The following VPS35 variants were observed in gnomAD, a reference collection of about 807,000 sequenced individuals.
The protein encoded by VPS35 is VPS35 retromer complex component, also known as vacuolar protein sorting-associated protein 35.
VPS35 carries 21 observed loss-of-function variants against 98.1 expected under a neutral mutation model. That is an observed-to-expected ratio of 0.21 (90% confidence interval 0.15 to 0.31). The LOEUF (loss-of-function observed/expected upper bound fraction) is 0.31, where lower values mean the gene tolerates loss of function less well. Ranked by LOEUF, VPS35 falls within the 10% of genes least tolerant of loss-of-function variation. The probability of loss-of-function intolerance (pLI) is 1.00; values close to 1 mark genes in which losing one functional copy is unlikely to be tolerated. For synonymous variants in VPS35, 268 were observed against 318.2 expected (o/e 0.84, Z 1.68); for missense variants, 554 against 950.8 (o/e 0.58, Z 5.49).
chr16:46,676,404 A>G (rs1966153259), intron 8 of VPS35, 179 bp downstream of exon 8: 3 of 588,760 alleles, frequency 5.1e-6, no homozygotes, highest in Middle Eastern at 4.6e-4. Flanking sequence ...AGCCTCTTTC[A>G]TGTCTAACCT....
chr16:46,681,154 AT>A (rs1966228321), intron 4 of VPS35, among the ~76,000 whole-genome samples: 1 of 152,170 alleles, frequency 6.6e-6, no homozygotes, highest in South Asian at 2.1e-4. Context: ...ATTAAAAAAA[AT>A]AGCAAGCATG....
chr16:46,670,305 C>T lies in VPS35; in HGVS notation c.1525-1253G>A, dbSNP rs140874021. 5.7e-3 allele frequency among the ~76,000 whole-genome samples: 867 copies of T among 152,104 alleles called. 6 individuals carry two copies. The highest frequency in any genetic ancestry group is 0.04 in the South Asian group (192 of 4,818). ...GCAGAAGGCATAATTTTTTTTGAGA[C>T]GGAGTTTCACTCTTGTTGCCCAGGC... is the stretch of plus-strand genomic sequence containing the variant. On this transcript the variant is annotated intron_variant, in intron 12 of 16. Transcript: ENST00000299138.
rs1965883495 is a variant in VPS35, at chr16:46,660,120, A to G, written c.*352T>C. On this transcript the variant is annotated 3_prime_UTR_variant, in exon 17 of 17. Transcript: ENST00000299138. ...GAATGAAGAAAATACACAATCAACAATGAAGCAAACAAACAAACAAAAAAA... is the reference window on the plus strand; with the variant it reads ...GAATGAAGAAAATACACAATCAACAGTGAAGCAAACAAACAAACAAAAAAA... 4.9e-6 allele frequency: 1 copy of G among 203,362 alleles called. No homozygotes were observed. Among genetic ancestry groups the G allele is most frequent in the Non-Finnish European group, 1.0e-5 (1 of 99,918 alleles). The allele number at this position is 203,362 out of a possible 1,614,324, so 12.6% of individuals were successfully genotyped here. A position where few individuals can be genotyped will look rare whatever the true frequency, so the allele number is the denominator to read the frequency against.
rs1013953929 is a variant in VPS35 at position 46,661,099 on chromosome 16, A to C, written c.2212-448T>G. 1.0e-5 allele frequency: 3 copies of C among 297,716 alleles called. No homozygotes were observed. The highest frequency in any genetic ancestry group is 4.4e-5 in the African/African-American group (2 of 45,694). The allele number at this position is 297,716 out of a possible 1,614,324, so 18.4% of individuals were successfully genotyped here. A position where few individuals can be genotyped will look rare whatever the true frequency, so the allele number is the denominator to read the frequency against. On this transcript the variant is annotated intron_variant, in intron 16 of 16. Coordinates refer to ENST00000299138, the MANE Select transcript of VPS35 (RefSeq NM_018206.6). This position sits in a 1 kb window ranked among gnomAD's most constrained non-coding sequence, Gnocchi z 4.3. ...GAGGCAGAGGTTGCAATGAGCTGAG[A>C]TTGCCACTGCACTCCAGCCTGGGTG... is the stretch of plus-strand genomic sequence containing the variant.
chr16:46,661,592 A>G lies in VPS35; in HGVS notation c.2211+126T>C. On this transcript the variant is annotated intron_variant, in intron 16 of 16. Coordinates refer to ENST00000299138, the MANE Select transcript of VPS35 (RefSeq NM_018206.6). This position sits in a 1 kb window ranked among gnomAD's most constrained non-coding sequence, Gnocchi z 4.3. ...GCCTATTATTTGACATCTGTAAATT[A>G]TTTTACATTTTTCAAATGAACAGTG... The G allele has an allele frequency of 2.2e-6, 2 of 920,940 alleles. No individual in the cohort carries two copies. Among genetic ancestry groups the G allele is most frequent in the Non-Finnish European group, 1.7e-6 (1 of 599,260 alleles). 57.0% of individuals were successfully genotyped at this position (920,940 alleles called of 1,614,324 possible).
At chr16:46,665,725 A>AT (rs939106177) in intron 13 of VPS35, among the ~76,000 whole-genome samples, 37 of 152,144 alleles carry the variant, frequency 2.4e-4, no homozygotes, top group African/African-American at 8.2e-4. Flanking sequence ...GATCCCCAGA[A>AT]TTTTTTTATC....
Position 46,672,184 on chromosome 16 carries a change from C to T in VPS35, c.1368+81G>A, listed in dbSNP as rs878896207. On this transcript the variant is annotated intron_variant, in intron 11 of 16. Transcript: ENST00000299138. Reference sequence around the variant, plus strand: ...TTTTATTTAGTATTGAATTACCCTCCCCTCCCATCTCAGGTATCTAGGTCC... The same window carrying T: ...TTTTATTTAGTATTGAATTACCCTCTCCTCCCATCTCAGGTATCTAGGTCC... 3.5e-5 allele frequency: 42 copies of T among 1,200,960 alleles called. No individual in the cohort carries two copies. In the South Asian group the frequency reaches 4.6e-4, roughly 13 times the overall value. The allele number at this position is 1,200,960 out of a possible 1,614,324, so 74.4% of individuals were successfully genotyped here. A position where few individuals can be genotyped will look rare whatever the true frequency, so the allele number is the denominator to read the frequency against.
At chr16:46,685,655 C>G (rs1269209402) in intron 1 of VPS35, among the ~76,000 whole-genome samples, 3 of 152,176 alleles carry the variant, frequency 2.0e-5, no homozygotes, top group African/African-American at 7.2e-5. Flanking sequence ...CATTTAAAGA[C>G]TCTGACTTAA....
At chr16:46,686,084 TTC>T (rs1411583702) in intron 1 of VPS35, among the ~76,000 whole-genome samples, 1 of 152,144 alleles carries the variant, frequency 6.6e-6, no homozygotes, top group Non-Finnish European at 1.5e-5. Context: ...CTACCTTCTT[TTC>T]TCTGAGTTTG....
In VPS35 at chr16:46,668,185, CA is replaced by C. The variant is rs552189053; in HGVS notation, c.1647+744del. ...CTGAGGCAGCAGGATCACCTGAGGC[CA>C]CAAGTTCGAGACCAACTGGTCAACA... On this transcript the variant is annotated intron_variant, in intron 13 of 16. Coordinates refer to ENST00000299138, the MANE Select transcript of VPS35 (RefSeq NM_018206.6). Among the ~76,000 whole-genome samples, 63 of 152,224 alleles carry C rather than the reference CA, an allele frequency of 4.1e-4. No homozygotes were observed. The East Asian group carries it at 0.01, about 25-fold the overall frequency.
chr16:46,675,647 G>T (rs918136879), intron 8 of VPS35, among the ~76,000 whole-genome samples: 1 of 152,114 alleles, frequency 6.6e-6, no homozygotes, highest in Non-Finnish European at 1.5e-5. Context: ...TAATAACTTA[G>T]TTTTTTAAAA....
chr16:46,689,115 C>A lies in VPS35; in HGVS notation c.3+16G>T, dbSNP rs776604765. The A allele has an allele frequency of 1.9e-6, 3 of 1,608,138 alleles. No individual in the cohort carries two copies. The highest frequency in any genetic ancestry group is 1.7e-5 in the Admixed American group (1 of 59,448). ...AGGAGGGTCGACCCAGGTGCCACTG[C>A]CCCCTCAGCACTCACCATGGCGACT... On this transcript the variant is annotated intron_variant, in intron 1 of 16. Transcript: ENST00000299138.
At chr16:46,681,855 T>C (rs1453145861) in intron 3 of VPS35, 3 of 560,780 alleles carry the variant, frequency 5.3e-6, no homozygotes, top group Non-Finnish European at 9.6e-6. Context: ...GGTCTGAAAA[T>C]TGAGATGCAC....
In VPS35 at chr16:46,658,844, G is replaced by C. The variant is rs773307805; in HGVS notation, c.*1628C>G. ...GGCTAGTCATCAAGTGCTAGCAATG[G>C]GAGGGCAGATGGTGAGGGGTTAAGT... On this transcript the variant is annotated 3_prime_UTR_variant, in exon 17 of 17. Transcript: ENST00000299138. 1.1e-4 allele frequency: 17 copies of C among 152,206 alleles called. No homozygotes were observed. The highest frequency in any genetic ancestry group is 2.2e-4 in the Non-Finnish European group (15 of 68,034). The allele number at this position is 152,206 out of a possible 1,614,324, so 9.4% of individuals were successfully genotyped here.
chr16:46,668,782 C>T (rs906068960), intron 13 of VPS35, 148 bp downstream of exon 13: 15 of 1,116,172 alleles, frequency 1.3e-5, no homozygotes, highest in Non-Finnish European at 1.9e-5. Flanking sequence ...GGATAAGTAA[C>T]AAATAGAGAG....
intron 1 of VPS35, among the ~76,000 whole-genome samples, chr16:46,686,424 A>G (rs1966316293): frequency 6.6e-6 from 1 of 152,196 alleles, no homozygotes. Context: ...AGATTTAGAG[A>G]TGTGTAAACA....
intron 1 of VPS35, chr16:46,688,407 G>GC: frequency 1.0e-6 from 1 of 987,134 alleles, no homozygotes; most frequent in Non-Finnish European, 1.2e-6. Flanking sequence ...TCATAGACGG[G>GC]CCCTAAGGAG....
In VPS35 at chr16:46,684,261, C is replaced by G. The variant is rs183529090; in HGVS notation, c.4-655G>C. The stretch of plus-strand genomic sequence containing the variant: ...ATCGAAATCTTGTGATAGGTATAGC[C>G]GAAACCAATCTCTAAAGCCTCTCTT... On this transcript the variant is annotated intron_variant, in intron 1 of 16. Coordinates refer to ENST00000299138, the MANE Select transcript of VPS35 (RefSeq NM_018206.6). Among the ~76,000 whole-genome samples the G allele has an allele frequency of 9.2e-5, 14 of 152,246 alleles. No homozygotes were observed. In the South Asian group the frequency reaches 2.5e-3, roughly 27 times the overall value.
In VPS35 at chr16:46,689,170, C is replaced by A; in HGVS notation, c.-37G>T. ...AGAGCCTGCAGCAAGCAGCACCCGCCCCGCGCGTAGCCTCCCGCGGTCATG... is the reference window on the plus strand; with the variant it reads ...AGAGCCTGCAGCAAGCAGCACCCGCACCGCGCGTAGCCTCCCGCGGTCATG... On this transcript the variant is annotated 5_prime_UTR_variant, in exon 1 of 17. Transcript: ENST00000299138. The A allele has an allele frequency of 1.9e-6, 3 of 1,603,074 alleles. No individual in the cohort carries two copies. Among genetic ancestry groups the A allele is most frequent in the South Asian group, 2.2e-5 (2 of 89,130 alleles).
Sources: allele counts gnomAD v4.1 joint callset (sites outside exome capture counted in the v4.1 genomes callset), GRCh38; gene constraint gnomAD v4.1.1; non-coding constraint Gnocchi (gnomAD v3.1); transcripts MANE v1.5; gene names NCBI Gene and HGNC (gene_info 2026-07-23, HGNC 2026-07-21).